The following PCDHA7 variants were observed in gnomAD, a reference collection of about 807,000 sequenced individuals.
PCDHA7 encodes protocadherin alpha 7.
PCDHA7 carries 37 observed loss-of-function variants against 57.2 expected under a neutral mutation model. That is an observed-to-expected ratio of 0.65 (90% confidence interval 0.50 to 0.85). The LOEUF is 0.85. PCDHA7 is among the 40% of genes least tolerant of loss of function. The pLI, the probability that PCDHA7 is intolerant of heterozygous loss-of-function variation, is 0.00. For missense variants in PCDHA7, 1,188 were observed against 1,241.8 expected (o/e 0.96, Z 0.65); for synonymous variants, 553 against 558.8 (o/e 0.99, Z 0.15).
intron 1 of PCDHA7, chr5:140,869,782 C>T (rs782296742): frequency 1.6e-5 from 25 of 1,612,752 alleles, no homozygotes; most frequent in East Asian, 2.2e-5. Context: ...TGGCACCGTT[C>T]GGCTGTTAGT....
At chr5:140,892,980 G>A (rs568292110) in intron 1 of PCDHA7, among the ~76,000 whole-genome samples, 4 of 152,030 alleles carry the variant, frequency 2.6e-5, no homozygotes, top group Admixed American at 6.6e-5. Context: ...TGTAGCTGCC[G>A]TATAAGTGAG....
intron 1 of PCDHA7, among the ~76,000 whole-genome samples, chr5:140,891,347 A>G (rs1554184792): frequency 6.6e-6 from 1 of 151,926 alleles, no homozygotes; most frequent in African/African-American, 2.4e-5. Context: ...ATTTTGGTGC[A>G]TCCATCACCT....
At chr5:140,941,214 C>CTTTCTTTCTTTCTTTCTTT (rs1554214039) in intron 1 of PCDHA7, among the ~76,000 whole-genome samples, 2,124 of 122,372 alleles carry the variant, frequency 0.017, 57 homozygotes, top group East Asian at 0.032. Flanking sequence ...TTTCTTTCTT[C>CTTTCTTTCTTTCTTTCTTT]CTTTCTTTCT....
rs782508103 is a variant in PCDHA7, at chr5:140,856,192, G to T, written c.2355+19454G>T. ...ACGGCACCTTCGTGGGCCGCATCGCGCAGGACCTGGGGCTGGAGCTGGCGG... is the reference window on the plus strand; with the variant it reads ...ACGGCACCTTCGTGGGCCGCATCGCTCAGGACCTGGGGCTGGAGCTGGCGG... On this transcript the variant is annotated intron_variant, in intron 1 of 3. Coordinates refer to ENST00000525929, the MANE Select transcript of PCDHA7 (RefSeq NM_018910.3). The T allele has an allele frequency of 3.7e-5, 59 of 1,598,180 alleles. 4 individuals carry two copies. Among genetic ancestry groups the T allele is most frequent in the South Asian group, 2.8e-4 (25 of 90,510 alleles).
In PCDHA7 at chr5:140,870,787, C is replaced by T. The variant is rs782200395; in HGVS notation, c.2355+34049C>T. On this transcript the variant is annotated intron_variant, in intron 1 of 3. Transcript: ENST00000525929. ...CGTGCTGGACGAGAACGACAACGCG[C>T]CGGCACTGCTGGCGACTCAGGCTGG... 6.2e-7 allele frequency: 1 copy of T among 1,613,638 alleles called. No homozygotes were observed. Among genetic ancestry groups the T allele is most frequent in the Admixed American group, 1.7e-5 (1 of 60,028 alleles).
Position 140,908,881 on chromosome 5 carries a change from A to G in PCDHA7, c.2356-70068A>G, listed in dbSNP as rs77004912. Among the ~76,000 whole-genome samples, 1,225 of 152,366 alleles carry G rather than the reference A, an allele frequency of 8.0e-3. 6 individuals carry two copies. The highest frequency in any genetic ancestry group is 0.019 in the African/African-American group (790 of 41,588). Reference sequence around the variant, plus strand: ...AGGAATGTGTTGCCTCCAAAATCCAATAGTCCCAAATAAGCCTCTTTCGTG... The same window carrying G: ...AGGAATGTGTTGCCTCCAAAATCCAGTAGTCCCAAATAAGCCTCTTTCGTG... On this transcript the variant is annotated intron_variant, in intron 1 of 3. Transcript: ENST00000525929.
intron 1 of PCDHA7, chr5:140,876,687 C>CA (rs2056504367): frequency 1.2e-6 from 2 of 1,614,212 alleles, no homozygotes; most frequent in Non-Finnish European, 1.7e-6. Context: ...AGAATTACTA[C>CA]TCGTTGGTGC....
At chr5:140,862,592 A>T (rs1554156626) in intron 1 of PCDHA7, 1 of 507,612 alleles carries the variant, frequency 2.0e-6, no homozygotes, top group Non-Finnish European at 4.0e-6. Context: ...CAGCCCGAGT[A>T]CATGGTGTTC....
At position 140,842,891 on chromosome 5, in the gene PCDHA7, G is replaced by T. The variant is rs2150347390; in HGVS notation, c.2355+6153G>T. On this transcript the variant is annotated intron_variant, in intron 1 of 3. Transcript: ENST00000525929. ...CAAGGTGTACGCGCTGCAGCCGCTGGACCACGAGGAGCTAGAGCTGCTGCA... is the reference window on the plus strand; with the variant it reads ...CAAGGTGTACGCGCTGCAGCCGCTGTACCACGAGGAGCTAGAGCTGCTGCA... 1.1e-5 allele frequency: 18 copies of T among 1,594,150 alleles called. No homozygotes were observed. The Admixed American group carries it at 3.0e-4, about 27-fold the overall frequency.
At chr5:140,849,484 T>A (rs2040926970) in intron 1 of PCDHA7, 1 of 1,590,814 alleles carries the variant, frequency 6.3e-7, no homozygotes, top group Non-Finnish European at 8.6e-7. Flanking sequence ...TTCCCACCCC[T>A]GGCTGGTCAT....
intron 1 of PCDHA7, chr5:140,928,181 C>T (rs782130459): frequency 2.5e-6 from 4 of 1,614,186 alleles, no homozygotes; most frequent in Non-Finnish European, 3.4e-6. Flanking sequence ...ACCCGAAGGA[C>T]AATCACTGTG....
At chr5:140,986,077 A>G (rs1335070462) in intron 3 of PCDHA7, among the ~76,000 whole-genome samples, 2 of 152,094 alleles carry the variant, frequency 1.3e-5, no homozygotes, top group Non-Finnish European at 2.9e-5. Flanking sequence ...GAAACTGTTC[A>G]TTTATTTTCA....
intron 1 of PCDHA7, among the ~76,000 whole-genome samples, chr5:140,942,908 G>A (rs187574457): frequency 2.6e-5 from 4 of 151,726 alleles, no homozygotes; most frequent in African/African-American, 9.7e-5. Flanking sequence ...AAGAATAAGC[G>A]TGAAGAAAAA....
At chr5:140,974,426 G>T (rs1417085676) in intron 1 of PCDHA7, among the ~76,000 whole-genome samples, 1 of 152,152 alleles carries the variant, frequency 6.6e-6, no homozygotes, top group Non-Finnish European at 1.5e-5. Flanking sequence ...TTACTTTCCT[G>T]GTTTGTAAAT....
rs2150335753 is a variant in PCDHA7, at chr5:140,842,424, T to A, written c.2355+5686T>A. On this transcript the variant is annotated intron_variant, in intron 1 of 3. Transcript: ENST00000525929. Reference sequence around the variant, plus strand: ...CGTGAAGACGCTCAATTTGGTACTGTCATCGCCCTAATTAGCGTGAACGAC... The same window carrying A: ...CGTGAAGACGCTCAATTTGGTACTGACATCGCCCTAATTAGCGTGAACGAC... 2 of 1,613,572 alleles carry A rather than the reference T, an allele frequency of 1.2e-6. No individual in the cohort carries two copies. Among genetic ancestry groups the A allele is most frequent in the East Asian group, 4.5e-5 (2 of 44,874 alleles).
Position 140,969,539 on chromosome 5 carries a change from A to G in PCDHA7, c.2356-9410A>G, listed in dbSNP as rs551546462. ...GAATTGTTTTATTTTTCATTTTCAGAGGCATGAAGCCTTGTCCATAAAATT... is the reference window on the plus strand; with the variant it reads ...GAATTGTTTTATTTTTCATTTTCAGGGGCATGAAGCCTTGTCCATAAAATT... On this transcript the variant is annotated intron_variant, in intron 1 of 3. Transcript: ENST00000525929. The G allele has an allele frequency of 2.3e-6, 3 of 1,303,614 alleles. No individual in the cohort carries two copies. The Admixed American group carries it at 8.5e-5, about 37-fold the overall frequency. 80.8% of individuals were successfully genotyped at this position (1,303,614 alleles called of 1,614,324 possible).
Position 140,929,272 on chromosome 5 carries a change from T to G in PCDHA7, c.2356-49677T>G, listed in dbSNP as rs560527071. Reference sequence around the variant, plus strand: ...TGGGGTAGGACTGAATTTGCCAATATCCTGTATTCAGATTCGGAATAGGAA... The same window carrying G: ...TGGGGTAGGACTGAATTTGCCAATAGCCTGTATTCAGATTCGGAATAGGAA... On this transcript the variant is annotated intron_variant, in intron 1 of 3. Transcript: ENST00000525929. The G allele has an allele frequency of 1.3e-4, 206 of 1,607,152 alleles. 1 individual carries two copies. The South Asian group carries it at 2.1e-3, about 17-fold the overall frequency.
At chr5:140,968,923 T>C in intron 1 of PCDHA7, 1 of 1,614,212 alleles carries the variant, frequency 6.2e-7, no homozygotes, top group Non-Finnish European at 8.5e-7. Flanking sequence ...CTTTTATATT[T>C]CTTTTGACAA....
At chr5:140,871,250 T>G (rs1412384009) in intron 1 of PCDHA7, 3 of 1,613,976 alleles carry the variant, frequency 1.9e-6, no homozygotes, top group Non-Finnish European at 2.5e-6. Context: ...ACGCTGCTGC[T>G]GTATACGGCG....
Sources: gnomAD v4.1 joint callset for allele counts (sites outside exome capture counted in the v4.1 genomes callset) on GRCh38, gnomAD v4.1.1 for gene constraint, MANE v1.5 for transcripts, NCBI Gene and HGNC (gene_info 2026-07-23, HGNC 2026-07-21) for gene names.